Variants in XPR1 observed in about 807,000 individuals in gnomAD.
The protein encoded by XPR1 is xenotropic and polytropic retrovirus receptor 1.
In XPR1, 28 loss-of-function variants were observed where a neutral mutation model predicts 87.5. That is an observed-to-expected ratio of 0.32 (90% CI 0.24 to 0.44). The LOEUF (loss-of-function observed/expected upper bound fraction) is 0.44. XPR1 is among the 20% of genes least tolerant of loss of function. XPR1 has a pLI of 1.00. For missense variants in XPR1, 559 were observed against 862.3 expected (o/e 0.65, Z 4.41); for synonymous variants, 300 against 306.1 (o/e 0.98, Z 0.21).
At chr1:180,879,931 C>T (rs1652794565) in intron 13 of XPR1, 145 bp from the exon 14 acceptor site, 1 of 842,644 alleles carries the variant, frequency 1.2e-6, no homozygotes, top group Non-Finnish European at 1.8e-6. Flanking sequence ...CTCCCCGCAA[C>T]ACCATCTTTC....
intron 2 of XPR1, among the ~76,000 whole-genome samples, chr1:180,682,969 A>T (rs1174081677): frequency 2.0e-5 from 3 of 151,642 alleles, no homozygotes; most frequent in African/African-American, 7.3e-5. Context: ...TTTTTATTTT[A>T]TTTTATTTTA....
At chr1:180,749,264 T>A (rs1398959885) in intron 2 of XPR1, among the ~76,000 whole-genome samples, 1 of 152,200 alleles carries the variant, frequency 6.6e-6, no homozygotes, top group Non-Finnish European at 1.5e-5. Flanking sequence ...TAAACTTAAA[T>A]TTTTTTATGT....
chr1:180,692,750 A>G (rs1479569250), intron 2 of XPR1, among the ~76,000 whole-genome samples: 6 of 152,176 alleles, frequency 3.9e-5, no homozygotes, highest in African/African-American at 1.4e-4. Flanking sequence ...CAGAAAGAGA[A>G]TTAGATCTAA....
chr1:180,711,218 C>T (rs113779169), intron 2 of XPR1, among the ~76,000 whole-genome samples: 6,335 of 151,084 alleles, frequency 0.042, 383 homozygotes, highest in African/African-American at 0.14. Context: ...GGGTGGCGGC[C>T]GGGCAGAGGC....
intron 11 of XPR1, among the ~76,000 whole-genome samples, chr1:180,838,819 TG>T (rs1236711025): frequency 6.6e-6 from 1 of 152,192 alleles, no homozygotes; most frequent in Non-Finnish European, 1.5e-5. Context: ...TTTAATGACT[TG>T]TCTGCTACAT....
At chr1:180,824,355 G>C (rs529610574) in intron 7 of XPR1, among the ~76,000 whole-genome samples, 33 of 152,290 alleles carry the variant, frequency 2.2e-4, no homozygotes, top group African/African-American at 7.7e-4. Context: ...GGCCAAGGTG[G>C]GTGGATCACG....
chr1:180,632,372 G>A (rs1264318264), intron 1 of XPR1, 102 bp downstream of exon 1: 8 of 1,454,992 alleles, frequency 5.5e-6, no homozygotes, highest in African/African-American at 4.2e-5. Context: ...CCTGTGCCCG[G>A]GCAGACTTTG....
chr1:180,746,010 C>A (rs1186712483), intron 2 of XPR1, among the ~76,000 whole-genome samples: 1 of 152,224 alleles, frequency 6.6e-6, no homozygotes, highest in East Asian at 1.9e-4. Flanking sequence ...ATGGATCTCA[C>A]AGAGGTAAAA....
At chr1:180,875,441 A>G (rs1490758469) in intron 13 of XPR1, among the ~76,000 whole-genome samples, 1 of 151,120 alleles carries the variant, frequency 6.6e-6, no homozygotes, top group Non-Finnish European at 1.5e-5. Flanking sequence ...CCTGGGAGGC[A>G]GAGGTTGCAG....
intron 1 of XPR1, among the ~76,000 whole-genome samples, chr1:180,655,745 C>A (rs1226149040): frequency 6.6e-6 from 1 of 151,430 alleles, no homozygotes; most frequent in East Asian, 1.9e-4. Flanking sequence ...GTCTTTTATC[C>A]TTTTTGAGTT....
chr1:180,636,701 G>T (rs1194374077), intron 1 of XPR1, among the ~76,000 whole-genome samples: 1 of 152,162 alleles, frequency 6.6e-6, no homozygotes, highest in Non-Finnish European at 1.5e-5. Flanking sequence ...TATTTGAGTT[G>T]TAGGCCCCAA....
At chr1:180,709,451 A>T (rs1657679995) in intron 2 of XPR1, among the ~76,000 whole-genome samples, 1 of 151,998 alleles carries the variant, frequency 6.6e-6, no homozygotes, top group South Asian at 2.1e-4. Flanking sequence ...TCTGCTTCCC[A>T]CCGCATCTCA....
intron 1 of XPR1, among the ~76,000 whole-genome samples, chr1:180,681,181 A>G (rs1016501003): frequency 1.3e-5 from 2 of 152,202 alleles, no homozygotes; most frequent in South Asian, 4.1e-4. Context: ...ACAATAGTAT[A>G]TAGTTTCAAA....
At chr1:180,696,636 G>A (rs13373853) in intron 2 of XPR1, among the ~76,000 whole-genome samples, 4 of 151,982 alleles carry the variant, frequency 2.6e-5, no homozygotes, top group Non-Finnish European at 4.4e-5. Context: ...GTCATATATG[G>A]CCTTTATTAT....
rs899002105 is a variant in XPR1 at position 180,889,100 on chromosome 1, G to A, written c.*5034G>A. 8 of 152,160 alleles carry A rather than the reference G, an allele frequency of 5.3e-5. No homozygotes were observed. The highest frequency in any genetic ancestry group is 1.9e-4 in the African/African-American group (8 of 41,442). 9.4% of individuals were successfully genotyped at this position (152,160 alleles called of 1,614,324 possible). A position where few individuals can be genotyped will look rare whatever the true frequency, so the allele number is the denominator to read the frequency against. ...ATGTTTGCTTATTTATGGTGGAAGA[G>A]GAAGTGAGAACAAGATGAGAGTTTC... On this transcript the variant is annotated 3_prime_UTR_variant, in exon 15 of 15. Transcript: ENST00000367590.
At chr1:180,826,878 G>A (rs1650863322) in intron 9 of XPR1, among the ~76,000 whole-genome samples, 1 of 152,014 alleles carries the variant, frequency 6.6e-6, no homozygotes, top group South Asian at 2.1e-4. Flanking sequence ...GTAGAACCAG[G>A]TGCAGTGGCT....
intron 10 of XPR1, 67 bp from the exon 11 acceptor site, chr1:180,836,455 A>G: frequency 1.9e-6 from 3 of 1,578,378 alleles, no homozygotes; most frequent in South Asian, 2.2e-5. Context: ...GCTACACTAT[A>G]TGGCTAAATG....
At chr1:180,724,148 G>A (rs1209308699) in intron 2 of XPR1, among the ~76,000 whole-genome samples, 1 of 152,164 alleles carries the variant, frequency 6.6e-6, no homozygotes, top group Non-Finnish European at 1.5e-5. Context: ...TGAGACACAT[G>A]TTCTAAAAGA....
chr1:180,687,108 A>G (rs937673467), intron 2 of XPR1, among the ~76,000 whole-genome samples: 3 of 152,184 alleles, frequency 2.0e-5, no homozygotes, highest in African/African-American at 7.2e-5. Flanking sequence ...AAGAAAAATG[A>G]AATTCCATAG....
Sources: allele counts gnomAD v4.1 joint callset (sites outside exome capture counted in the v4.1 genomes callset), GRCh38; gene constraint gnomAD v4.1.1; transcripts MANE v1.5; gene names NCBI Gene and HGNC (gene_info 2026-07-23, HGNC 2026-07-21).